VPS33A: variants seen among roughly 807,000 people sequenced by gnomAD.
The protein encoded by VPS33A is VPS33A core subunit of CORVET and HOPS complexes, also known as vacuolar protein sorting-associated protein 33A.
Under a neutral mutation model 71.8 loss-of-function variants are expected in VPS33A, and 32 were observed. The ratio of observed to expected loss-of-function variants is 0.45; its 90% CI spans 0.34 to 0.60. The LOEUF is 0.60. VPS33A is among the 20% of genes least tolerant of loss of function. VPS33A has a pLI of 0.02. For synonymous variants in VPS33A, 311 were observed against 292.7 expected (o/e 1.06, Z -0.64); for missense variants, 625 against 748.5 (o/e 0.84, Z 1.92).
chr12:122,249,776 A>C, intron 6 of VPS33A, 95 bp downstream of exon 6: 1 of 1,215,378 alleles, frequency 8.2e-7, no homozygotes, highest in Non-Finnish European at 1.1e-6. Flanking sequence ...TCTGACTTTA[A>C]ATTATGCTTA....
intron 4 of VPS33A, among the ~76,000 whole-genome samples, chr12:122,259,680 A>T (rs1359716666): frequency 2.0e-5 from 3 of 152,102 alleles, no homozygotes; most frequent in Non-Finnish European, 4.4e-5. Flanking sequence ...ATTCAGCAAT[A>T]AGAAGGAATG....
intron 1 of VPS33A, among the ~76,000 whole-genome samples, chr12:122,264,553 G>A (rs368332614): frequency 8.5e-5 from 13 of 152,104 alleles, no homozygotes; most frequent in African/African-American, 3.1e-4. Flanking sequence ...ACCATGCCTG[G>A]CCAATTTTTG....
At chr12:122,251,920 T>TAA (rs76806704) in intron 4 of VPS33A, among the ~76,000 whole-genome samples, 302 of 123,938 alleles carry the variant, frequency 2.4e-3, no homozygotes, top group African/African-American at 7.2e-3. Flanking sequence ...ACTTAAAGTA[T>TAA]AAAAAAAAAA....
At chr12:122,254,533 G>C (rs1336255451) in intron 4 of VPS33A, among the ~76,000 whole-genome samples, 2 of 151,456 alleles carry the variant, frequency 1.3e-5, no homozygotes, top group African/African-American at 4.9e-5. Context: ...CTGCGAAGTA[G>C]CTGGGATTAC....
chr12:122,238,772 C>CATAT (rs1334424350), intron 9 of VPS33A, 48 bp from the exon 10 acceptor site: 11 of 227,462 alleles, frequency 4.8e-5, no homozygotes, highest in East Asian at 4.5e-4. Context: ...CATATACATA[C>CATAT]ACACACACAC....
chr12:122,257,424 C>T (rs1264703725), intron 4 of VPS33A, among the ~76,000 whole-genome samples: 1 of 91,860 alleles, frequency 1.1e-5, no homozygotes, highest in Admixed American at 1.2e-4. Flanking sequence ...GAGACTCTGC[C>T]TCAAAAAAAA....
chr12:122,236,013 G>C, intron 10 of VPS33A, 90 bp from the exon 11 acceptor site: 2 of 1,493,428 alleles, frequency 1.3e-6, no homozygotes, highest in Non-Finnish European at 1.8e-6. Flanking sequence ...AATCAATTTG[G>C]TTTGTACTGC....
chr12:122,248,370 T>TG (rs1250825632), intron 6 of VPS33A: 1 of 152,228 alleles, frequency 6.6e-6, no homozygotes, highest in African/African-American at 2.4e-5. Context: ...CTAGACACTC[T>TG]GGGTCCTGGC....
intron 7 of VPS33A, among the ~76,000 whole-genome samples, chr12:122,243,930 G>C (rs188702273): frequency 6.6e-6 from 1 of 152,072 alleles, no homozygotes; most frequent in South Asian, 2.1e-4. Flanking sequence ...AAAAAATCTA[G>C]AACTACATAC....
intron 5 of VPS33A, among the ~76,000 whole-genome samples, chr12:122,250,611 A>C (rs1366599257): frequency 6.6e-6 from 1 of 152,144 alleles, no homozygotes; most frequent in East Asian, 1.9e-4. Context: ...TCAGTCCTAC[A>C]TTTGCAGGCC....
At chr12:122,240,644 TTAAGATTC>T (rs1157965419) in intron 8 of VPS33A, among the ~76,000 whole-genome samples, 4 of 152,236 alleles carry the variant, frequency 2.6e-5, no homozygotes, top group Non-Finnish European at 5.9e-5. Context: ...TGTGATTTAC[TTAAGATTC>T]GAAGTATACT....
At chr12:122,239,594 T>C (rs764635223) in intron 9 of VPS33A, among the ~76,000 whole-genome samples, 9 of 150,964 alleles carry the variant, frequency 6.0e-5, no homozygotes, top group South Asian at 2.1e-4. Context: ...ATTAGCCAGG[T>C]GTGGTGGTGA....
chr12:122,261,366 C>T lies in VPS33A; in HGVS notation c.378G>A (p.Lys126=). The stretch of plus-strand genomic sequence containing the variant: ...TAAAGGATCCCAAGACACCCAGATC[C>T]TTCAACCGCTGTTCGCACAACAGGC... ...RRSLLCEQRL[K]DLGVLGSFIH... The change falls in exon 4 of 13, where the codon AAG becomes AAA. Residue 126 remains lysine (K), a synonymous_variant. Coordinates refer to ENST00000267199, the MANE Select transcript of VPS33A (RefSeq NM_022916.6). 6.2e-7 allele frequency: 1 copy of T among 1,614,040 alleles called. No individual in the cohort carries two copies. The highest frequency in any genetic ancestry group is 8.5e-7 in the Non-Finnish European group (1 of 1,179,994).
chr12:122,244,694 T>C lies in VPS33A; in HGVS notation c.844A>G (p.Thr282Ala). ...TTCAGCTGCAGCTTCTTTGCTTCCG[T>C]GGGGAGGTCCTTACCACCATCGCCC... ...KQGDGGKDLP[T>A]EAKKLQLNSA... Residue 282 changes from threonine to alanine, a missense_variant, in exon 7 of 13, where the codon ACG becomes GCG. Thr to Ala is a moderately conservative substitution (Grantham distance 58, BLOSUM62 0). Coordinates refer to ENST00000267199, the MANE Select transcript of VPS33A (RefSeq NM_022916.6). 3.7e-6 allele frequency: 6 copies of C among 1,614,174 alleles called. No individual in the cohort carries two copies. Among genetic ancestry groups the C allele is most frequent in the Non-Finnish European group, 5.1e-6 (6 of 1,180,038 alleles).
chr12:122,232,848 G>A lies in VPS33A; in HGVS notation c.1561C>T (p.Pro521Ser), dbSNP rs1954581456. ...IEEVLRILPG[P>S]HFEERQPLPT... ...AGTGGCTGCCGCTCCTCAAAGTGGGGCCCTGGGAGGATGCGGAGGACCTCC... is the reference window on the plus strand; with the variant it reads ...AGTGGCTGCCGCTCCTCAAAGTGGGACCCTGGGAGGATGCGGAGGACCTCC... The change falls in exon 12 of 13, where the codon CCC (proline) becomes TCC (serine). Residue 521 changes from proline to serine, a missense_variant. Coordinates refer to ENST00000267199, the MANE Select transcript of VPS33A (RefSeq NM_022916.6). 1 of 1,614,030 alleles carries A rather than the reference G, an allele frequency of 6.2e-7. No homozygotes were observed. Among genetic ancestry groups the A allele is most frequent in the Admixed American group, 1.7e-5 (1 of 59,984 alleles).
rs764033982 is a variant in VPS33A, at chr12:122,251,015, G to C, written c.568C>G (p.Pro190Ala). The C allele has an allele frequency of 6.2e-7, 1 of 1,614,050 alleles. No homozygotes were observed. Among genetic ancestry groups the C allele is most frequent in the South Asian group, 1.1e-5 (1 of 91,078 alleles). The change falls in exon 5 of 13, where the codon CCC becomes GCC. Residue 190 changes from proline to alanine, a missense_variant. By Grantham distance (27) the Pro-to-Ala change is conservative. Transcript: ENST00000267199. ...CATTCTCCTTTCCCAAAGATCTGGG[G>C]GATCGTTCCATACAGAGCTTGCAGG... ...MTLQALYGTI[P>A]QIFGKGECAR... is the part of the protein sequence containing the mutation.
At chr12:122,254,078 T>C (rs1954881208) in intron 4 of VPS33A, among the ~76,000 whole-genome samples, 1 of 152,116 alleles carries the variant, frequency 6.6e-6, no homozygotes, top group South Asian at 2.1e-4. Flanking sequence ...GAGGCAGGTT[T>C]TATATATGCT....
intron 12 of VPS33A, 35 bp from the exon 13 acceptor site, chr12:122,232,462 T>C (rs750925363): frequency 3.8e-6 from 6 of 1,569,314 alleles, no homozygotes; most frequent in Non-Finnish European, 4.3e-6. Context: ...AAAAACTATT[T>C]ATTATTAATG....
chr12:122,255,395 T>A (rs1954902878), intron 4 of VPS33A, among the ~76,000 whole-genome samples: 1 of 152,006 alleles, frequency 6.6e-6, no homozygotes, highest in Non-Finnish European at 1.5e-5. Flanking sequence ...AGCAAACCAC[T>A]AGGGAACAAG....
Sources: gnomAD v4.1 joint callset for allele counts (sites outside exome capture counted in the v4.1 genomes callset) on GRCh38, gnomAD v4.1.1 for gene constraint, MANE v1.5 for transcripts, NCBI Gene and HGNC (gene_info 2026-07-23, HGNC 2026-07-21) for gene names.